TRUB2: variants seen among roughly 807,000 people sequenced by gnomAD.
TRUB2 encodes the protein TruB pseudouridine synthase family member 2, also known as pseudouridylate synthase TRUB2, mitochondrial.
TRUB2 carries 31 observed loss-of-function variants against 31.9 expected under a neutral mutation model. The observed-to-expected ratio is 0.97, with a 90% CI of 0.73 to 1.31. The LOEUF is 1.31. TRUB2 is among the 50% of genes most tolerant of loss of function. The pLI is 0.00. For synonymous variants in TRUB2, 201 were observed against 182.6 expected (o/e 1.10, Z -0.81); for missense variants, 451 against 439.6 (o/e 1.03, Z -0.23).
rs749755284 is a variant in TRUB2, at chr9:128,313,909, A to G, written c.379-20T>C. On this transcript the variant is annotated intron_variant, in intron 4 of 7. Transcript: ENST00000372890. ...GTAATCCTTCAAGGACAGGGAGGTA[A>G]AGATCCGTCAGTGACCCCATTCTAA... 1 of 1,612,356 alleles carries G rather than the reference A, an allele frequency of 6.2e-7. No homozygotes were observed. The highest frequency in any genetic ancestry group is 1.1e-5 in the South Asian group (1 of 91,014).
chr9:128,317,186 T>A lies in TRUB2; in HGVS notation c.282A>T (p.Gly94=). 1 of 1,593,532 alleles carries A rather than the reference T, an allele frequency of 6.3e-7. No individual in the cohort carries two copies. Among genetic ancestry groups the A allele is most frequent in the Non-Finnish European group, 8.6e-7 (1 of 1,168,340 alleles). The change falls in exon 3 of 8, where the codon GGA becomes GGT. Residue 94 remains glycine, a synonymous_variant. Coordinates refer to ENST00000372890, the MANE Select transcript of TRUB2 (RefSeq NM_015679.3). The part of the protein sequence containing the change: ...PAFAHLKVGV[G]HRLDAQASGV... ...CAGAAGCCTGGGCATCCAACCGATGTCCCACGCCAACCTTGAGATGGGCGA... is the reference window on the plus strand; with the variant it reads ...CAGAAGCCTGGGCATCCAACCGATGACCCACGCCAACCTTGAGATGGGCGA...
intron 7 of TRUB2, among the ~76,000 whole-genome samples, chr9:128,310,103 C>T (rs1258528021): frequency 6.6e-6 from 1 of 151,968 alleles, no homozygotes; most frequent in South Asian, 2.1e-4. Flanking sequence ...CAGAATCTGC[C>T]CTTTTTTGGC....
Position 128,305,964 on chromosome 9 carries a change from C to T in TRUB2, c.*3586G>A, listed in dbSNP as rs1048154977. Reference sequence around the variant, plus strand: ...CCTCCTGTGTGGGGATCGCAAAGTGCTGGGATTACAGGCATGAGCCGCCAC... The same window carrying T: ...CCTCCTGTGTGGGGATCGCAAAGTGTTGGGATTACAGGCATGAGCCGCCAC... On this transcript the variant is annotated 3_prime_UTR_variant, in exon 8 of 8. Coordinates refer to ENST00000372890, the MANE Select transcript of TRUB2 (RefSeq NM_015679.3). The T allele has an allele frequency of 6.6e-6, 1 of 152,150 alleles. No homozygotes were observed. Among genetic ancestry groups the T allele is most frequent in the African/African-American group, 2.4e-5 (1 of 41,430 alleles). The allele number at this position is 152,150 out of a possible 1,614,324, so 9.4% of individuals were successfully genotyped here.
intron 4 of TRUB2, among the ~76,000 whole-genome samples, chr9:128,314,740 AT>A (rs1340577350): frequency 6.6e-6 from 1 of 152,066 alleles, no homozygotes; most frequent in Non-Finnish European, 1.5e-5. Context: ...AATTTTTATA[AT>A]TTAAAAAAAT....
At chr9:128,310,534 C>T (rs1285732217) in intron 7 of TRUB2, among the ~76,000 whole-genome samples, 1 of 151,808 alleles carries the variant, frequency 6.6e-6, no homozygotes, top group Admixed American at 6.6e-5. Flanking sequence ...GGGGCCTGAG[C>T]TGGGTGGGAC....
chr9:128,310,610 A>C (rs2131442914), intron 7 of TRUB2, among the ~76,000 whole-genome samples: 1 of 152,114 alleles, frequency 6.6e-6, no homozygotes, highest in African/African-American at 2.4e-5. Flanking sequence ...TCTGGAAATA[A>C]GCCACTAAAT....
chr9:128,322,037 G>C (rs1474803286), intron 1 of TRUB2, among the ~76,000 whole-genome samples: 5 of 152,208 alleles, frequency 3.3e-5, no homozygotes, highest in Non-Finnish European at 5.9e-5. Flanking sequence ...GCAGAGGGCA[G>C]TATAGCAGTA....
At position 128,307,439 on chromosome 9, in the gene TRUB2, A is replaced by T. The variant is rs1295299042; in HGVS notation, c.*2111T>A. ...TGGGTGACAGAGCAAGACTCTGTCT[A>T]AAAAAAACAGGCCGGAAACAGTGGC... is the stretch of plus-strand genomic sequence containing the variant. On this transcript the variant is annotated 3_prime_UTR_variant, in exon 8 of 8. Transcript: ENST00000372890. 8.9e-6 allele frequency: 1 copy of T among 111,784 alleles called. No individual in the cohort carries two copies. Among genetic ancestry groups the T allele is most frequent in the Non-Finnish European group, 1.9e-5 (1 of 52,586 alleles). 6.9% of individuals were successfully genotyped at this position (111,784 alleles called of 1,614,324 possible). A position where few individuals can be genotyped will look rare whatever the true frequency, so the allele number is the denominator to read the frequency against.
intron 2 of TRUB2, among the ~76,000 whole-genome samples, chr9:128,319,058 G>C (rs1832115926): frequency 6.6e-6 from 1 of 151,556 alleles, no homozygotes; most frequent in South Asian, 2.1e-4. Context: ...CGGGCGTGGT[G>C]GCTCACACCT....
In TRUB2 at chr9:128,313,799, G is replaced by A. The variant is rs781349931; in HGVS notation, c.460+9C>T. On this transcript the variant is annotated intron_variant, in intron 5 of 7. Transcript: ENST00000372890. The stretch of plus-strand genomic sequence containing the variant: ...GAGGGAGGCAGCGGCAGCCACTTCC[G>A]GTTCTCACCATAGGTTGTCTTCTCT... 1.7e-5 allele frequency: 27 copies of A among 1,613,690 alleles called. No individual in the cohort carries two copies. Among genetic ancestry groups the A allele is most frequent in the African/African-American group, 1.6e-4 (12 of 74,914 alleles).
chr9:128,310,334 C>G (rs1325153790), intron 7 of TRUB2, among the ~76,000 whole-genome samples: 1 of 151,780 alleles, frequency 6.6e-6, no homozygotes, highest in Non-Finnish European at 1.5e-5. Flanking sequence ...CTCGGTTTCC[C>G]TATCTGTAAA....
intron 5 of TRUB2, among the ~76,000 whole-genome samples, chr9:128,312,612 ATTATTT>A (rs1243892707): frequency 1.5e-5 from 2 of 135,778 alleles, no homozygotes; most frequent in African/African-American, 2.8e-5. Context: ...TTGTATTATT[ATTATTT>A]TTTTTTTTTT....
intron 2 of TRUB2, among the ~76,000 whole-genome samples, chr9:128,317,688 G>C (rs1300689886): frequency 6.6e-6 from 1 of 152,178 alleles, no homozygotes; most frequent in East Asian, 1.9e-4. Flanking sequence ...GAATCTAGGG[G>C]AAGAGTCCAG....
intron 2 of TRUB2, 146 bp from the exon 3 acceptor site, chr9:128,317,372 A>G: frequency 1.4e-6 from 1 of 739,432 alleles, no homozygotes; most frequent in Non-Finnish European, 2.3e-6. Flanking sequence ...CCGTCATGGA[A>G]TCTGGGACCC....
chr9:128,315,570 G>T lies in TRUB2; in HGVS notation c.375C>A (p.Thr125=). ...GGCTGTCCCCAGACCCTCGTACCTT[G>T]GTAAGATGAGCATTGTACATATCGG... is the stretch of plus-strand genomic sequence containing the variant. The part of the protein sequence containing the change: ...LLTDMYNAHL[T]KDYTVRGLLG... The change falls in exon 4 of 8, where the codon ACC becomes ACA. Residue 125 remains threonine, a synonymous_variant. Transcript: ENST00000372890. 1 of 1,613,342 alleles carries T rather than the reference G, an allele frequency of 6.2e-7. No homozygotes were observed. The highest frequency in any genetic ancestry group is 2.2e-5 in the East Asian group (1 of 44,866).
chr9:128,321,935 A>G (rs1832189858), intron 1 of TRUB2, among the ~76,000 whole-genome samples: 1 of 152,208 alleles, frequency 6.6e-6, no homozygotes, highest in Non-Finnish European at 1.5e-5. Context: ...GTGCACCACG[A>G]TGCTGACCAG....
At chr9:128,320,077 G>A (rs1446161852) in intron 2 of TRUB2, among the ~76,000 whole-genome samples, 1 of 151,480 alleles carries the variant, frequency 6.6e-6, no homozygotes, top group East Asian at 1.9e-4. Context: ...CACCACGCCC[G>A]GCTAATTTCT....
intron 2 of TRUB2, among the ~76,000 whole-genome samples, chr9:128,319,324 T>C (rs1588529225): frequency 7.2e-6 from 1 of 138,164 alleles, no homozygotes; most frequent in Admixed American, 7.0e-5. Context: ...TGACTCCGTC[T>C]CAAAAAAAAA....
Position 128,309,738 on chromosome 9 carries a change from G to T in TRUB2, c.808C>A (p.Leu270Met). Reference protein sequence around the residue: ...DGFFTLDSALLRTQWDLTNIQ... With the variant: ...DGFFTLDSALMRTQWDLTNIQ... ...TTGGTTAGGTCCCACTGGGTCCTCAGGAGGGCACTGTCTAGCGTGAAGAAG... is the reference window on the plus strand; with the variant it reads ...TTGGTTAGGTCCCACTGGGTCCTCATGAGGGCACTGTCTAGCGTGAAGAAG... The change falls in exon 8 of 8, where the codon CTG (leucine) becomes ATG (methionine). Residue 270 changes from leucine (L) to methionine (M), a missense_variant. Transcript: ENST00000372890. The T allele has an allele frequency of 6.2e-7, 1 of 1,614,274 alleles. No homozygotes were observed. The highest frequency in any genetic ancestry group is 1.7e-5 in the Admixed American group (1 of 60,032).
Sources: allele counts gnomAD v4.1 joint callset (sites outside exome capture counted in the v4.1 genomes callset), GRCh38; gene constraint gnomAD v4.1.1; transcripts MANE v1.5; gene names NCBI Gene and HGNC (gene_info 2026-07-23, HGNC 2026-07-21).